DLEU7: variants seen among roughly 807,000 people sequenced by gnomAD.
DLEU7 encodes the protein leukemia-associated protein 7.
A neutral mutation model predicts 16.0 loss-of-function variants in DLEU7; 17 were observed. That is an observed-to-expected ratio of 1.06 (90% CI 0.73 to 1.59). The LOEUF is 1.59. Among genes scored for constraint, DLEU7 ranks in the 40% most tolerant of loss-of-function variants. DLEU7 has a pLI of 0.00. For missense variants in DLEU7, 308 were observed against 314.9 expected, an observed-to-expected ratio of 0.98 and a Z score of 0.17; for synonymous variants, 113 against 139.8, an observed-to-expected ratio of 0.81 and a Z score of 1.35.
At chr13:50,765,048 A>G (rs1204145048) in intron 1 of DLEU7, among the ~76,000 whole-genome samples, 1 of 151,924 alleles carries the variant, frequency 6.6e-6, no homozygotes, top group Admixed American at 6.6e-5. Context: ...ATGCCTGGTA[A>G]ATTTTTGTAT....
chr13:50,767,455 C>CAAAAAA (rs35091007), intron 1 of DLEU7, among the ~76,000 whole-genome samples: 2 of 64,482 alleles, frequency 3.1e-5, no homozygotes, highest in African/African-American at 1.2e-4. Context: ...GACTCCGTCT[C>CAAAAAA]AAAAAAAAAA....
intron 1 of DLEU7, among the ~76,000 whole-genome samples, chr13:50,791,373 A>T (rs1463519640): frequency 6.6e-6 from 1 of 152,086 alleles, no homozygotes; most frequent in Non-Finnish European, 1.5e-5. Context: ...AGGTTCAGGG[A>T]TGTGGGTGGT....
At chr13:50,767,844 C>G (rs974913547) in intron 1 of DLEU7, among the ~76,000 whole-genome samples, 2 of 152,202 alleles carry the variant, frequency 1.3e-5, no homozygotes, top group African/African-American at 4.8e-5. Flanking sequence ...GAAGGTCAAG[C>G]CTCCGTGATG....
intron 1 of DLEU7, among the ~76,000 whole-genome samples, chr13:50,774,676 AT>A (rs997012516): frequency 6.6e-6 from 1 of 151,324 alleles, no homozygotes; most frequent in African/African-American, 2.4e-5. Flanking sequence ...TATAGTTGCA[AT>A]TTTTTTTCTT....
At chr13:50,789,781 G>A (rs1039139165) in intron 1 of DLEU7, among the ~76,000 whole-genome samples, 2 of 152,160 alleles carry the variant, frequency 1.3e-5, no homozygotes, top group African/African-American at 2.4e-5. Flanking sequence ...AAAACCCAGT[G>A]AGGTGAATTA....
In DLEU7 at chr13:50,843,507, G is replaced by T; in HGVS notation, c.140C>A (p.Ser47Tyr). Residue 47 changes from serine (S) to tyrosine (Y), a missense_variant, in exon 1 of 2, where the codon TCC (serine) becomes TAC (tyrosine). Coordinates refer to ENST00000504404, the MANE Select transcript of DLEU7 (RefSeq NM_001306135.2). This position sits in a 1 kb window ranked among gnomAD's most constrained non-coding sequence, Gnocchi z 5.7. ...GCCTGAGCGACGGGCTGGAGCGGTGGACACGTGGTCTGGGTCCCGCGGGTT... is the reference window on the plus strand; with the variant it reads ...GCCTGAGCGACGGGCTGGAGCGGTGTACACGTGGTCTGGGTCCCGCGGGTT... ...PGNPRDPDHV[S>Y]TAPARRSGPP... The T allele has an allele frequency of 1.4e-6, 2 of 1,403,738 alleles. No individual in the cohort carries two copies. Among genetic ancestry groups the T allele is most frequent in the Non-Finnish European group, 9.2e-7 (1 of 1,089,540 alleles). The allele number at this position is 1,403,738 out of a possible 1,614,324, so 87.0% of individuals were successfully genotyped here. A position where few individuals can be genotyped will look rare whatever the true frequency, so the allele number is the denominator to read the frequency against.
At chr13:50,804,156 T>C (rs932012857) in intron 1 of DLEU7, among the ~76,000 whole-genome samples, 1 of 152,086 alleles carries the variant, frequency 6.6e-6, no homozygotes, top group South Asian at 2.1e-4. Context: ...GCTAGTACCA[T>C]GTATTTTCTA....
intron 1 of DLEU7, among the ~76,000 whole-genome samples, chr13:50,800,321 A>C (rs1876213445): frequency 6.6e-6 from 1 of 152,206 alleles, no homozygotes; most frequent in South Asian, 2.1e-4. Flanking sequence ...ATAGATTTAA[A>C]ATATTCAAAA....
intron 1 of DLEU7, among the ~76,000 whole-genome samples, chr13:50,723,489 G>T (rs1446635181): frequency 6.6e-6 from 1 of 151,772 alleles, no homozygotes; most frequent in African/African-American, 2.4e-5. Context: ...CCATAGGCGG[G>T]GTGGCTTAAA....
intron 1 of DLEU7, among the ~76,000 whole-genome samples, chr13:50,841,859 G>A (rs1479071098): frequency 2.0e-5 from 3 of 152,002 alleles, no homozygotes. Context: ...ATCTTACATT[G>A]GAGAGCATTT....
chr13:50,765,384 A>G (rs1282603005), intron 1 of DLEU7, among the ~76,000 whole-genome samples: 1 of 152,134 alleles, frequency 6.6e-6, no homozygotes, highest in Non-Finnish European at 1.5e-5. Flanking sequence ...AGGGGAAGGA[A>G]AAAGGAAGAT....
At chr13:50,741,629 G>A (rs775875305) in intron 1 of DLEU7, among the ~76,000 whole-genome samples, 5 of 152,240 alleles carry the variant, frequency 3.3e-5, no homozygotes, top group South Asian at 2.1e-4. Context: ...AGCCAAGACC[G>A]TATCTCATAT....
chr13:50,822,782 T>C, downstream of DLEU7: 45 of 985,762 alleles, frequency 4.6e-5, no homozygotes, highest in Non-Finnish European at 5.3e-5. Context: ...AAGTTATTAA[T>C]GTCAGGATTG....
rs190793494 is a variant in DLEU7 at position 50,752,662 on chromosome 13, C to T, written c.460-39422G>A. ...ACGGTGAGTGTTACAGCTCTTAAGG[C>T]GGCGCGTCTGGAGTTGTTCATTCCT... is the stretch of plus-strand genomic sequence containing the variant. On this transcript the variant is annotated intron_variant, in intron 1 of 1. Coordinates refer to the DLEU7 transcript ENST00000400393. 4.7e-5 allele frequency among the ~76,000 whole-genome samples: 7 copies of T among 150,142 alleles called. No individual in the cohort carries two copies. In the East Asian group the frequency reaches 1.2e-3, roughly 25 times the overall value.
intron 1 of DLEU7, among the ~76,000 whole-genome samples, chr13:50,797,382 A>G (rs1279401076): frequency 6.6e-6 from 1 of 152,170 alleles, no homozygotes; most frequent in Non-Finnish European, 1.5e-5. Flanking sequence ...GGGACGTGCT[A>G]ATATAATAAG....
chr13:50,739,203 G>C (rs542289142), intron 1 of DLEU7, among the ~76,000 whole-genome samples: 1 of 151,974 alleles, frequency 6.6e-6, no homozygotes, highest in Non-Finnish European at 1.5e-5. Context: ...AATTCTTCTC[G>C]GACCTCTCAG....
intron 1 of DLEU7, among the ~76,000 whole-genome samples, chr13:50,826,179 C>T (rs542603992): frequency 6.6e-6 from 1 of 152,076 alleles, no homozygotes; most frequent in Non-Finnish European, 1.5e-5. Flanking sequence ...GCTGCTGATA[C>T]AACAGGAGGA....
intron 1 of DLEU7, among the ~76,000 whole-genome samples, chr13:50,770,136 T>C (rs992844265): frequency 1.4e-4 from 22 of 152,332 alleles, no homozygotes; most frequent in African/African-American, 5.1e-4. Context: ...CCTGAGACTT[T>C]GCTGAAGTTG....
intron 1 of DLEU7, among the ~76,000 whole-genome samples, chr13:50,831,104 AAGG>A (rs375962013): frequency 1.4e-5 from 2 of 146,368 alleles, no homozygotes; most frequent in East Asian, 4.3e-4. Context: ...GGAGATCAGT[AAGG>A]AGGAGGAGAG....
Sources: gnomAD v4.1 joint callset for allele counts (sites outside exome capture counted in the v4.1 genomes callset) on GRCh38, gnomAD v4.1.1 for gene constraint, Gnocchi (gnomAD v3.1) non-coding constraint, MANE v1.5 for transcripts, NCBI Gene and HGNC (gene_info 2026-07-23, HGNC 2026-07-21) for gene names.